The following EFTUD2 variants were observed in gnomAD, a reference collection of about 807,000 sequenced individuals.
The protein encoded by EFTUD2 is elongation factor Tu GTP binding domain containing 2.
A neutral mutation model predicts 114.3 loss-of-function variants in EFTUD2; 9 were observed. The observed-to-expected ratio is 0.08, with a 90% confidence interval of 0.05 to 0.14. The LOEUF (loss-of-function observed/expected upper bound fraction) is 0.14, where lower values mean the gene tolerates loss of function less well. Among genes scored for constraint, EFTUD2 ranks in the 10% least tolerant of loss-of-function variants. The pLI, the probability that EFTUD2 is intolerant of heterozygous loss-of-function variation, is 1.00. For synonymous variants in EFTUD2, 449 were observed against 462.3 expected (o/e 0.97, Z 0.37); for missense variants, 765 against 1,241.2 (o/e 0.62, Z 5.76).
At chr17:44,894,579 T>C (rs758412992) in intron 1 of EFTUD2, 54 bp from the exon 2 acceptor site, 124 of 1,353,430 alleles carry the variant, frequency 9.2e-5, no homozygotes, top group Non-Finnish European at 1.2e-4. Context: ...AAGGCCTTCA[T>C]GTGGTGGCTC....
intron 11 of EFTUD2, among the ~76,000 whole-genome samples, chr17:44,871,459 A>T (rs1233210737): frequency 6.6e-6 from 1 of 151,022 alleles, no homozygotes; most frequent in Non-Finnish European, 1.5e-5. Context: ...CCTGCCTCAG[A>T]CTCCCAGTAG....
intron 13 of EFTUD2, 72 bp downstream of exon 13, chr17:44,867,735 G>A (rs1402003320): frequency 8.4e-6 from 11 of 1,317,182 alleles, no homozygotes; most frequent in Non-Finnish European, 1.1e-5. Context: ...ACAGAGGGAA[G>A]TGTGAGTTCA....
chr17:44,853,192 G>C, intron 25 of EFTUD2, 104 bp downstream of exon 25: 1 of 1,191,178 alleles, frequency 8.4e-7, no homozygotes. Flanking sequence ...TTTCCAGAGA[G>C]AGGAGGGTAG....
chr17:44,867,177 T>C (rs958027707), intron 13 of EFTUD2, among the ~76,000 whole-genome samples: 2 of 152,206 alleles, frequency 1.3e-5, no homozygotes, highest in African/African-American at 4.8e-5. Context: ...TATCTGTAAG[T>C]TAAATTTCCG....
intron 2 of EFTUD2, among the ~76,000 whole-genome samples, chr17:44,892,631 C>CTTTTTTTTTT (rs967860195): frequency 3.0e-5 from 3 of 101,374 alleles, no homozygotes; most frequent in African/African-American, 4.0e-5. Context: ...ACTGTAAAAC[C>CTTTTTTTTTT]TTTTTTTTTT....
At chr17:44,864,529 T>C (rs2050711519) in intron 14 of EFTUD2, among the ~76,000 whole-genome samples, 2 of 152,126 alleles carry the variant, frequency 1.3e-5, no homozygotes, top group African/African-American at 4.8e-5. Flanking sequence ...ACCAGTCCAG[T>C]GTCTTTCTGC....
chr17:44,856,503 C>T (rs1330337594), intron 20 of EFTUD2, among the ~76,000 whole-genome samples: 1 of 149,194 alleles, frequency 6.7e-6, no homozygotes, highest in African/African-American at 2.5e-5. Context: ...GTACTCCAGC[C>T]TGGGCGACAG....
chr17:44,857,065 C>A lies in EFTUD2; in HGVS notation c.2045+10G>T. On this transcript the variant is annotated intron_variant, in intron 20 of 27. Transcript: ENST00000426333. The stretch of plus-strand genomic sequence containing the variant: ...GCTGCAGTCCCAGGGACACTGTGCT[C>A]CCAGCTTACTTCTTATTAGGCGTTT... The A allele has an allele frequency of 6.2e-7, 1 of 1,612,636 alleles. No homozygotes were observed. The highest frequency in any genetic ancestry group is 1.1e-5 in the South Asian group (1 of 91,030).
At chr17:44,893,353 C>T (rs2051317316) in intron 2 of EFTUD2, among the ~76,000 whole-genome samples, 2 of 152,146 alleles carry the variant, frequency 1.3e-5, no homozygotes, top group Admixed American at 1.3e-4. Context: ...GAACTCCTGA[C>T]CGTGTGATCT....
chr17:44,850,398 A>T lies in EFTUD2; in HGVS notation c.*876T>A. The stretch of plus-strand genomic sequence containing the variant: ...GCACAGGATGCTGGAGAGAAGTAGG[A>T]CTCCTATAGGAGCCGGGGCTGTCCA... On this transcript the variant is annotated 3_prime_UTR_variant, in exon 28 of 28. Coordinates refer to ENST00000426333, the MANE Select transcript of EFTUD2 (RefSeq NM_004247.4). 1 of 1,610,574 alleles carries T rather than the reference A, an allele frequency of 6.2e-7. No individual in the cohort carries two copies. Among genetic ancestry groups the T allele is most frequent in the Middle Eastern group, 1.7e-4 (1 of 6,052 alleles).
At chr17:44,882,180 C>T (rs551641425) in intron 6 of EFTUD2, among the ~76,000 whole-genome samples, 33 of 151,188 alleles carry the variant, frequency 2.2e-4, no homozygotes, top group Non-Finnish European at 3.8e-4. Context: ...GTGATCCCCC[C>T]GGCTCAGCCT....
At chr17:44,875,402 T>C (rs1356195840) in intron 10 of EFTUD2, among the ~76,000 whole-genome samples, 1 of 151,820 alleles carries the variant, frequency 6.6e-6, no homozygotes, top group Non-Finnish European at 1.5e-5. Context: ...TGGTGACGGG[T>C]GCCTGTAGTC....
Position 44,884,531 on chromosome 17 carries a change from A to AAG in EFTUD2, c.350+723_350+724dup, listed in dbSNP as rs1207993821. 1.3e-4 allele frequency among the ~76,000 whole-genome samples: 19 copies of AAG among 150,800 alleles called. 1 individual carries two copies. Among genetic ancestry groups the AAG allele is most frequent in the Admixed American group, 3.3e-4 (5 of 15,130 alleles). On this transcript the variant is annotated intron_variant, in intron 4 of 27. Transcript: ENST00000426333. ...GAGACCCCGCATCGAAAAAAAAAAA[A>AAG]AGAGAGAGAGAGAGCACCTAAATGA...
intron 16 of EFTUD2, 112 bp from the exon 17 acceptor site, chr17:44,860,655 G>T: frequency 1.5e-6 from 1 of 681,988 alleles, no homozygotes. Flanking sequence ...CTGGAGTGCA[G>T]TGGCACAATC....
chr17:44,859,406 G>T, intron 18 of EFTUD2: 1 of 581,292 alleles, frequency 1.7e-6, no homozygotes, highest in African/African-American at 1.9e-5. Context: ...TGAAGTCAAT[G>T]ATTTAATTCC....
At chr17:44,859,464 G>A (rs2050616215) in intron 18 of EFTUD2, 1 of 531,700 alleles carries the variant, frequency 1.9e-6, no homozygotes, top group African/African-American at 1.9e-5. Context: ...ATGGACATAA[G>A]CTAGCCCTTT....
intron 8 of EFTUD2, 85 bp downstream of exon 8, chr17:44,880,469 C>A: frequency 2.1e-6 from 2 of 949,836 alleles, no homozygotes; most frequent in Non-Finnish European, 3.3e-6. Context: ...CAAAGATGCA[C>A]TGCTCCGTTC....
At chr17:44,861,224 C>T (rs866268564) in intron 16 of EFTUD2, among the ~76,000 whole-genome samples, 16 of 151,596 alleles carry the variant, frequency 1.1e-4, no homozygotes, top group South Asian at 2.1e-4. Context: ...GTGGCTGGAT[C>T]ACCTGAGGTC....
chr17:44,879,713 G>C (rs758463519), intron 8 of EFTUD2, 75 bp from the exon 9 acceptor site: 4 of 1,474,144 alleles, frequency 2.7e-6, no homozygotes, highest in Non-Finnish European at 3.7e-6. Flanking sequence ...TGAACTGAGG[G>C]GGCACTTCAA....
Sources: allele counts gnomAD v4.1 joint callset (sites outside exome capture counted in the v4.1 genomes callset), GRCh38; gene constraint gnomAD v4.1.1; transcripts MANE v1.5; gene names NCBI Gene and HGNC (gene_info 2026-07-23, HGNC 2026-07-21).